The following RALGPS2 variants were observed in gnomAD, a reference collection of about 807,000 sequenced individuals.
RALGPS2 encodes the protein Ral GEF with PH domain and SH3 binding motif 2.
In RALGPS2, 43 loss-of-function variants were observed where a neutral mutation model predicts 86.8. The observed-to-expected ratio is 0.50, with a 90% confidence interval of 0.39 to 0.64. The LOEUF is 0.64. Among genes scored for constraint, RALGPS2 ranks in the 30% least tolerant of loss-of-function variants. The probability of loss-of-function intolerance (pLI) is 0.00; values close to 1 mark genes in which losing one functional copy is unlikely to be tolerated. For missense variants in RALGPS2, 536 were observed against 694.6 expected, an observed-to-expected ratio of 0.77 and a Z score of 2.57; for synonymous variants, 243 against 231.3, an observed-to-expected ratio of 1.05 and a Z score of -0.46.
intron 17 of RALGPS2, among the ~76,000 whole-genome samples, chr1:178,899,651 TGG>T (rs371306438): frequency 0.034 from 4,929 of 143,970 alleles, 311 homozygotes; most frequent in African/African-American, 0.12. Context: ...GTTTTGGTTT[TGG>T]TTTTTTTTTT....
chr1:178,919,495 A>C lies in RALGPS2; in HGVS notation c.*3136A>C, dbSNP rs545135177. 6.6e-6 allele frequency: 1 copy of C among 152,042 alleles called. No homozygotes were observed. Among genetic ancestry groups the C allele is most frequent in the Non-Finnish European group, 1.5e-5 (1 of 67,924 alleles). The allele number at this position is 152,042 out of a possible 1,614,324, so 9.4% of individuals were successfully genotyped here. A position where few individuals can be genotyped will look rare whatever the true frequency, so the allele number is the denominator to read the frequency against. On this transcript the variant is annotated 3_prime_UTR_variant, in exon 20 of 20. Coordinates refer to ENST00000367635, the MANE Select transcript of RALGPS2 (RefSeq NM_152663.5). ...GGAGCCTAGGAAGCACTATTGGTAC[A>C]GGAGGAAAAAAGAATGGAAAACATG...
At chr1:178,746,455 C>T (rs1651338398) in intron 1 of RALGPS2, among the ~76,000 whole-genome samples, 1 of 152,156 alleles carries the variant, frequency 6.6e-6, no homozygotes, top group Non-Finnish European at 1.5e-5. Flanking sequence ...TTCTACATTT[C>T]ATACATGCAT....
At chr1:178,730,556 A>AATTG (rs141997230) in intron 1 of RALGPS2, among the ~76,000 whole-genome samples, 12,949 of 151,030 alleles carry the variant, frequency 0.086, 1,160 homozygotes, top group African/African-American at 0.23. Context: ...AACATCAGGT[A>AATTG]ATTGACCCTT....
At chr1:178,806,625 A>G (rs1470206157) in intron 4 of RALGPS2, among the ~76,000 whole-genome samples, 1 of 151,912 alleles carries the variant, frequency 6.6e-6, no homozygotes, top group Non-Finnish European at 1.5e-5. Flanking sequence ...TAAAAGCTCT[A>G]TTTTGTTCTC....
intron 7 of RALGPS2, among the ~76,000 whole-genome samples, chr1:178,827,392 ATT>A (rs748058137): frequency 3.8e-5 from 5 of 131,990 alleles, no homozygotes; most frequent in Non-Finnish European, 4.7e-5. Flanking sequence ...ATACTCTCTG[ATT>A]TTTTTTTTTT....
At chr1:178,754,172 A>T (rs1364403297) in intron 1 of RALGPS2, among the ~76,000 whole-genome samples, 1 of 151,748 alleles carries the variant, frequency 6.6e-6, no homozygotes, top group African/African-American at 2.4e-5. Context: ...ATTTGGGAGA[A>T]TTTACAGTGT....
At chr1:178,729,494 AAAAAGATTAAT>A (rs1650216327) in intron 1 of RALGPS2, among the ~76,000 whole-genome samples, 1 of 152,216 alleles carries the variant, frequency 6.6e-6, no homozygotes. Context: ...CCTTTTTTAA[AAAAAGATTAAT>A]ATTTGATTTA....
intron 2 of RALGPS2, among the ~76,000 whole-genome samples, chr1:178,782,848 A>G (rs766636645): frequency 6.6e-5 from 10 of 152,188 alleles, no homozygotes; most frequent in Non-Finnish European, 1.2e-4. Flanking sequence ...ACCAAATTAT[A>G]AGCACAGCAT....
At chr1:178,748,850 C>CAA (rs568753748) in intron 1 of RALGPS2, among the ~76,000 whole-genome samples, 10,224 of 97,238 alleles carry the variant, frequency 0.11, 531 homozygotes, top group African/African-American at 0.19. Context: ...GACTCTGTCT[C>CAA]AAAAAAAAAA....
At chr1:178,746,125 G>C (rs1409455038) in intron 1 of RALGPS2, among the ~76,000 whole-genome samples, 1 of 151,968 alleles carries the variant, frequency 6.6e-6, no homozygotes, top group East Asian at 1.9e-4. Flanking sequence ...CCCAGCCGAA[G>C]AGAGAATTCT....
chr1:178,847,767 C>A (rs1266283451), intron 8 of RALGPS2, among the ~76,000 whole-genome samples: 4 of 152,142 alleles, frequency 2.6e-5, no homozygotes, highest in African/African-American at 7.2e-5. Context: ...AAGAGAATAG[C>A]ACTCTCCTGT....
chr1:178,828,095 G>A (rs1247395953), intron 7 of RALGPS2, among the ~76,000 whole-genome samples: 1 of 152,136 alleles, frequency 6.6e-6, no homozygotes, highest in Non-Finnish European at 1.5e-5. Context: ...TACAAGCAAC[G>A]AAAGCAAAAA....
At chr1:178,743,504 T>C (rs1022405115) in intron 1 of RALGPS2, among the ~76,000 whole-genome samples, 1 of 152,208 alleles carries the variant, frequency 6.6e-6, no homozygotes, top group African/African-American at 2.4e-5. Context: ...GTGTGGAAAT[T>C]GTTTTTAAAC....
chr1:178,878,221 G>T (rs1007848264), intron 9 of RALGPS2, among the ~76,000 whole-genome samples: 8 of 151,450 alleles, frequency 5.3e-5, no homozygotes, highest in African/African-American at 1.9e-4. Flanking sequence ...GATGAGAAAA[G>T]GCATTTTTTT....
intron 5 of RALGPS2, among the ~76,000 whole-genome samples, chr1:178,808,560 T>C (rs560953589): frequency 3.3e-5 from 5 of 152,308 alleles, no homozygotes; most frequent in African/African-American, 1.2e-4. Flanking sequence ...ACTACTACTC[T>C]ATTTCTGCTC....
intron 11 of RALGPS2, among the ~76,000 whole-genome samples, chr1:178,884,869 A>G (rs1478844882): frequency 9.2e-5 from 14 of 152,234 alleles, no homozygotes; most frequent in Non-Finnish European, 1.8e-4. Flanking sequence ...CACTGCCTCT[A>G]CTTAGTATAA....
At chr1:178,889,594 A>C in intron 13 of RALGPS2, 48 bp from the exon 14 acceptor site, 1 of 1,222,732 alleles carries the variant, frequency 8.2e-7, no homozygotes, top group Non-Finnish European at 1.2e-6. Flanking sequence ...AATGCAAACT[A>C]GAGAGGTAAT....
intron 1 of RALGPS2, among the ~76,000 whole-genome samples, chr1:178,738,880 G>A (rs1650868210): frequency 6.6e-6 from 1 of 152,082 alleles, no homozygotes; most frequent in South Asian, 2.1e-4. Context: ...TAGATCTCTA[G>A]GGTTACTGGA....
At chr1:178,770,690 T>C (rs1652760269) in intron 1 of RALGPS2, among the ~76,000 whole-genome samples, 1 of 151,962 alleles carries the variant, frequency 6.6e-6, no homozygotes, top group Non-Finnish European at 1.5e-5. Flanking sequence ...TTGGCCAGGC[T>C]GGTCTCGAAC....
Sources: allele counts gnomAD v4.1 joint callset (sites outside exome capture counted in the v4.1 genomes callset), GRCh38; gene constraint gnomAD v4.1.1; transcripts MANE v1.5; gene names NCBI Gene and HGNC (gene_info 2026-07-23, HGNC 2026-07-21).